Variants in EPHA4 observed in about 807,000 individuals in gnomAD.
EPHA4 encodes the protein ephrin type-A receptor 4.
EPHA4 carries 19 observed loss-of-function variants against 108.3 expected under a neutral mutation model. That is an observed-to-expected ratio of 0.18 (90% CI 0.12 to 0.26). The LOEUF (loss-of-function observed/expected upper bound fraction) is 0.26. Ranked by LOEUF, EPHA4 falls within the 10% of genes least tolerant of loss-of-function variation. The pLI is 1.00. For synonymous variants in EPHA4, 449 were observed against 455.5 expected (o/e 0.99, Z 0.18); for missense variants, 917 against 1,254.0 (o/e 0.73, Z 4.06).
chr2:221,548,153 G>A (rs1694051982), intron 3 of EPHA4, among the ~76,000 whole-genome samples: 1 of 152,148 alleles, frequency 6.6e-6, no homozygotes, highest in Non-Finnish European at 1.5e-5. Flanking sequence ...TGATGACTGA[G>A]TTCTCCCTCA....
At chr2:221,523,006 G>A (rs568455293) in intron 3 of EPHA4, among the ~76,000 whole-genome samples, 105 of 152,110 alleles carry the variant, frequency 6.9e-4, no homozygotes, top group Middle Eastern at 6.8e-3. Context: ...CAGGTGATCC[G>A]CCTGCGTCGG....
At chr2:221,487,754 C>G (rs1692020968) in intron 4 of EPHA4, among the ~76,000 whole-genome samples, 1 of 152,030 alleles carries the variant, frequency 6.6e-6, no homozygotes, top group Non-Finnish European at 1.5e-5. Flanking sequence ...ACATAAACAC[C>G]CTTCCTTCAC....
At position 221,572,156 on chromosome 2, in the gene EPHA4, A is replaced by C; in HGVS notation, c.91+2T>G. On this transcript the variant is annotated splice_donor_variant, in intron 1 of 17. Coordinates refer to ENST00000281821, the MANE Select transcript of EPHA4 (RefSeq NM_004438.5). LOFTEE classifies it high-confidence loss of function. ...ACCACAGAAAGGCCGTCCCGCTCTT[A>C]CCTTCATTCGCGGGGTATACCCTGG... 6.2e-7 allele frequency: 1 copy of C among 1,613,074 alleles called. No individual in the cohort carries two copies. Among genetic ancestry groups the C allele is most frequent in the Non-Finnish European group, 8.5e-7 (1 of 1,179,110 alleles).
At chr2:221,529,511 C>T (rs1411279461) in intron 3 of EPHA4, among the ~76,000 whole-genome samples, 1 of 152,156 alleles carries the variant, frequency 6.6e-6, no homozygotes, top group African/African-American at 2.4e-5. Context: ...AAATCTGTTG[C>T]ATCCAGGCAG....
chr2:221,483,079 T>G (rs1262511458), intron 4 of EPHA4, among the ~76,000 whole-genome samples: 1 of 152,210 alleles, frequency 6.6e-6, no homozygotes, highest in Non-Finnish European at 1.5e-5. Context: ...CTCTGATAAA[T>G]TAATAGTTAT....
chr2:221,434,952 G>C (rs1690186067), intron 13 of EPHA4, among the ~76,000 whole-genome samples: 1 of 152,084 alleles, frequency 6.6e-6, no homozygotes, highest in Non-Finnish European at 1.5e-5. Context: ...CCCAGGAAAA[G>C]TTGCAAAACA....
rs115006314 is a variant in EPHA4 at position 221,440,976 on chromosome 2, C to T, written c.2074+1853G>A. 3.9e-5 allele frequency among the ~76,000 whole-genome samples: 6 copies of T among 152,184 alleles called. No individual in the cohort carries two copies. The East Asian group carries it at 5.8e-4, about 15-fold the overall frequency. On this transcript the variant is annotated intron_variant, in intron 11 of 17. Coordinates refer to ENST00000281821, the MANE Select transcript of EPHA4 (RefSeq NM_004438.5). ...TCTCTTGCACTCCAAACTTACGGGC[C>T]GCACACCACCTGCTGAATCAAACCT... is the stretch of plus-strand genomic sequence containing the variant.
intron 3 of EPHA4, among the ~76,000 whole-genome samples, chr2:221,537,063 T>A (rs539677681): frequency 1.3e-5 from 2 of 152,380 alleles, no homozygotes; most frequent in East Asian, 3.9e-4. Flanking sequence ...GGACTTTGAA[T>A]GCATTTGTGA....
chr2:221,543,825 G>C (rs923603477), intron 3 of EPHA4, among the ~76,000 whole-genome samples: 6 of 152,176 alleles, frequency 3.9e-5, no homozygotes, highest in African/African-American at 1.4e-4. Flanking sequence ...CTGGTCACGG[G>C]GGTGGAAGCT....
rs1030319255 is a variant in EPHA4 at position 221,487,275 on chromosome 2, G to A, written c.980-4585C>T. ...ATGGATAGGGAACCTAGGGAAAAAG[G>A]CAGAGACTCAAGGAAACTAAATAGG... On this transcript the variant is annotated intron_variant, in intron 4 of 17. Transcript: ENST00000281821. Among the ~76,000 whole-genome samples, 11 of 152,282 alleles carry A rather than the reference G, an allele frequency of 7.2e-5. No individual in the cohort carries two copies. The East Asian group carries it at 2.1e-3, about 29-fold the overall frequency.
At chr2:221,558,468 T>C (rs1446656074) in intron 3 of EPHA4, among the ~76,000 whole-genome samples, 3 of 152,084 alleles carry the variant, frequency 2.0e-5, no homozygotes, top group Non-Finnish European at 2.9e-5. Context: ...AGTTCAGTTA[T>C]GTGAAAGTCA....
chr2:221,509,833 C>A (rs767282050), intron 3 of EPHA4, among the ~76,000 whole-genome samples: 7 of 152,100 alleles, frequency 4.6e-5, no homozygotes, highest in Admixed American at 1.3e-4. Flanking sequence ...TTTTGCCCTG[C>A]AGAATAATTG....
chr2:221,448,647 C>T (rs1690674931), intron 8 of EPHA4, among the ~76,000 whole-genome samples: 2 of 152,104 alleles, frequency 1.3e-5, no homozygotes, highest in South Asian at 2.1e-4. Flanking sequence ...ATCGATTGGT[C>T]CCAAGGGAGT....
chr2:221,533,284 C>T (rs1321102095), intron 3 of EPHA4, among the ~76,000 whole-genome samples: 1 of 152,138 alleles, frequency 6.6e-6, no homozygotes, highest in Non-Finnish European at 1.5e-5. Flanking sequence ...GTGTTACAGC[C>T]TACCATAAAT....
At chr2:221,452,029 T>C (rs780302134) in intron 8 of EPHA4, among the ~76,000 whole-genome samples, 1 of 152,264 alleles carries the variant, frequency 6.6e-6, no homozygotes, top group Non-Finnish European at 1.5e-5. Flanking sequence ...ACTGTGAGCC[T>C]GAGGCTGCTT....
chr2:221,504,079 G>T (rs7598267), intron 3 of EPHA4, among the ~76,000 whole-genome samples: 5,141 of 152,208 alleles, frequency 0.034, 296 homozygotes, highest in African/African-American at 0.12. Flanking sequence ...TTGACTGTTA[G>T]TATTTTTTAT....
chr2:221,444,959 T>C (rs1014877894), intron 9 of EPHA4, among the ~76,000 whole-genome samples: 1 of 151,984 alleles, frequency 6.6e-6, no homozygotes, highest in Non-Finnish European at 1.5e-5. Context: ...AGTTTTGCCA[T>C]GTTGGCTAGG....
intron 4 of EPHA4, among the ~76,000 whole-genome samples, chr2:221,499,757 T>TATATATATATATA (rs1491531800): frequency 4.0e-5 from 1 of 24,800 alleles, no homozygotes; most frequent in South Asian, 1.7e-3. Flanking sequence ...TATATATATA[T>TATATATATATATA]TTTTTTTTTT....
At chr2:221,424,240 T>C (rs903342557) in intron 17 of EPHA4, among the ~76,000 whole-genome samples, 2 of 151,828 alleles carry the variant, frequency 1.3e-5, no homozygotes, top group Admixed American at 6.6e-5. Flanking sequence ...GCAAAAGTGG[T>C]GATAAAACAA....
Sources: gnomAD v4.1 joint callset for allele counts (sites outside exome capture counted in the v4.1 genomes callset) on GRCh38, gnomAD v4.1.1 for gene constraint, MANE v1.5 for transcripts, NCBI Gene and HGNC (gene_info 2026-07-23, HGNC 2026-07-21) for gene names.